The following ATP10B variants were observed in gnomAD, a reference collection of about 807,000 sequenced individuals.
The protein encoded by ATP10B is ATPase phospholipid transporting 10B (putative).
ATP10B carries 122 observed loss-of-function variants against 141.2 expected under a neutral mutation model. The ratio of observed to expected loss-of-function variants is 0.86; its 90% CI spans 0.75 to 1.00. The LOEUF (loss-of-function observed/expected upper bound fraction) is 1.00, where lower values mean the gene tolerates loss of function less well. ATP10B is among the 50% of genes least tolerant of loss of function. The pLI, the probability that ATP10B is intolerant of heterozygous loss-of-function variation, is 0.00. For missense variants in ATP10B, 1,876 were observed against 1,825.3 expected, an observed-to-expected ratio of 1.03 and a Z score of -0.51; for synonymous variants, 685 against 692.0, an observed-to-expected ratio of 0.99 and a Z score of 0.16.
At chr5:160,800,567 G>A (rs1772308921) in intron 1 of ATP10B, among the ~76,000 whole-genome samples, 2 of 152,210 alleles carry the variant, frequency 1.3e-5, no homozygotes, top group South Asian at 4.1e-4. Flanking sequence ...TAACTACAGT[G>A]TTTTGTACAA....
chr5:160,622,686 GTCTTGCA>G, intron 13 of ATP10B, 101 bp from the exon 14 acceptor site: 2 of 1,105,068 alleles, frequency 1.8e-6, no homozygotes, highest in East Asian at 4.8e-5. Context: ...CTTCATTGCA[GTCTTGCA>G]TCCAGCATGT....
the ATP10B span, among the ~76,000 whole-genome samples, chr5:160,872,031 C>T: frequency 6.6e-6 from 1 of 151,996 alleles, no homozygotes; most frequent in South Asian, 2.1e-4. Context: ...AAGTGTTCTA[C>T]ACTTCTACAT....
At chr5:160,580,779 G>C (rs907607094) in intron 24 of ATP10B, among the ~76,000 whole-genome samples, 1 of 152,094 alleles carries the variant, frequency 6.6e-6, no homozygotes, top group Non-Finnish European at 1.5e-5. Flanking sequence ...CTGTGAATCC[G>C]TCTGGTCCTG....
intron 13 of ATP10B, among the ~76,000 whole-genome samples, chr5:160,623,506 CA>C (rs1329274404): frequency 6.7e-6 from 1 of 148,754 alleles, no homozygotes; most frequent in African/African-American, 2.5e-5. Flanking sequence ...CAAGATAAAG[CA>C]AAGATGATGC....
chr5:160,655,965 C>G (rs1266340810), intron 7 of ATP10B, among the ~76,000 whole-genome samples: 1 of 152,144 alleles, frequency 6.6e-6, no homozygotes, highest in East Asian at 1.9e-4. Flanking sequence ...AGGGCGTAAT[C>G]ACTCCCCGGG....
Position 160,785,555 on chromosome 5 carries a change from G to A in ATP10B, c.-331+4C>T. 1.5e-6 allele frequency: 1 copy of A among 665,410 alleles called. No homozygotes were observed. Among genetic ancestry groups the A allele is most frequent in the Non-Finnish European group, 2.4e-6 (1 of 419,010 alleles). The allele number at this position is 665,410 out of a possible 1,614,324, so 41.2% of individuals were successfully genotyped here. ...CCCCACTGCCCAAGAAGTAAAGATAGTACCTGATAGGTAGATTTCAAGTCT... is the reference window on the plus strand; with the variant it reads ...CCCCACTGCCCAAGAAGTAAAGATAATACCTGATAGGTAGATTTCAAGTCT... On this transcript the variant is annotated splice_donor_region_variant and intron_variant, in intron 2 of 25. Transcript: ENST00000327245.
At chr5:160,804,869 G>A (rs992322530) in intron 1 of ATP10B, among the ~76,000 whole-genome samples, 1 of 152,180 alleles carries the variant, frequency 6.6e-6, no homozygotes, top group African/African-American at 2.4e-5. Context: ...CTGCATATAT[G>A]CAAGAGATTG....
intron 1 of ATP10B, among the ~76,000 whole-genome samples, chr5:160,805,996 G>A (rs559049964): frequency 6.6e-6 from 1 of 152,144 alleles, no homozygotes; most frequent in Admixed American, 6.5e-5. Flanking sequence ...CCTAGTCCAA[G>A]GGCAGGAGAC....
At chr5:160,771,315 C>T (rs1769882959) in intron 2 of ATP10B, among the ~76,000 whole-genome samples, 1 of 152,118 alleles carries the variant, frequency 6.6e-6, no homozygotes, top group South Asian at 2.1e-4. Context: ...TGGGATTATT[C>T]CTAAATACTG....
At chr5:160,866,940 C>T in the ATP10B span, among the ~76,000 whole-genome samples, 1 of 151,992 alleles carries the variant, frequency 6.6e-6, no homozygotes, top group Non-Finnish European at 1.5e-5. Flanking sequence ...TTATGAACGA[C>T]TGGACCAAAA....
At chr5:160,830,321 A>G (rs1438072761) in intron 1 of ATP10B, among the ~76,000 whole-genome samples, 2 of 152,286 alleles carry the variant, frequency 1.3e-5, no homozygotes, top group African/African-American at 4.8e-5. Flanking sequence ...GCACTCGAGC[A>G]ATTCACTTCT....
intron 14 of ATP10B, among the ~76,000 whole-genome samples, chr5:160,621,843 A>G (rs1758366146): frequency 6.6e-6 from 1 of 152,168 alleles, no homozygotes; most frequent in Non-Finnish European, 1.5e-5. Context: ...ATTTTTTTCC[A>G]TGGGAAGAAC....
At chr5:160,604,986 CA>C (rs1382785296) in intron 19 of ATP10B, among the ~76,000 whole-genome samples, 3 of 152,144 alleles carry the variant, frequency 2.0e-5, no homozygotes, top group Non-Finnish European at 2.9e-5. Context: ...AGCCAAGAAG[CA>C]AAATTGAACA....
chr5:160,671,079 C>T (rs776654879), intron 6 of ATP10B, among the ~76,000 whole-genome samples: 2 of 146,792 alleles, frequency 1.4e-5, no homozygotes, highest in Non-Finnish European at 3.0e-5. Context: ...GCAGGAGAAA[C>T]GCTTGAACCT....
chr5:160,599,113 T>C, intron 21 of ATP10B, 143 bp from the exon 22 acceptor site: 1 of 669,128 alleles, frequency 1.5e-6, no homozygotes, highest in Non-Finnish European at 2.6e-6. Context: ...GAGAGAATTC[T>C]AATCCTCGGA....
chr5:160,840,424 T>C (rs886745975), intron 1 of ATP10B, among the ~76,000 whole-genome samples: 2 of 152,024 alleles, frequency 1.3e-5, no homozygotes, highest in African/African-American at 4.8e-5. Flanking sequence ...AAATCTAGTA[T>C]ATTAAAAAGG....
chr5:160,849,618 TACACACACACAC>T (rs796968833), intron 1 of ATP10B, among the ~76,000 whole-genome samples: 1 of 148,130 alleles, frequency 6.8e-6, no homozygotes, highest in Non-Finnish European at 1.5e-5. Flanking sequence ...TACTGGCAAT[TACACACACACAC>T]ACACACACAC....
intron 1 of ATP10B, among the ~76,000 whole-genome samples, chr5:160,846,633 A>G (rs778012945): frequency 4.6e-5 from 7 of 152,208 alleles, no homozygotes; most frequent in Non-Finnish European, 8.8e-5. Context: ...GCTACTACTA[A>G]TACATATCCA....
chr5:160,829,305 A>T (rs1279028326), intron 1 of ATP10B, among the ~76,000 whole-genome samples: 1 of 151,882 alleles, frequency 6.6e-6, no homozygotes, highest in Non-Finnish European at 1.5e-5. Context: ...GTTCTGTTTG[A>T]TGGAGCTACA....
Sources: allele counts gnomAD v4.1 joint callset (sites outside exome capture counted in the v4.1 genomes callset), GRCh38; gene constraint gnomAD v4.1.1; transcripts MANE v1.5; gene names NCBI Gene and HGNC (gene_info 2026-07-23, HGNC 2026-07-21).